TRAK1: variants seen among roughly 807,000 people sequenced by gnomAD.
TRAK1 encodes trafficking kinesin protein 1, also known as trafficking kinesin-binding protein 1.
Under a neutral mutation model 92.1 loss-of-function variants are expected in TRAK1, and 33 were observed. The ratio of observed to expected loss-of-function variants is 0.36; its 90% CI spans 0.27 to 0.48. The LOEUF is 0.48. TRAK1 is among the 20% of genes least tolerant of loss of function. The pLI, the probability that TRAK1 is intolerant of heterozygous loss-of-function variation, is 0.99. For synonymous variants in TRAK1, 521 were observed against 517.3 expected (o/e 1.01, Z -0.10); for missense variants, 1,123 against 1,257.9 (o/e 0.89, Z 1.62).
intron 1 of TRAK1, among the ~76,000 whole-genome samples, chr3:42,119,993 G>C (rs1255126562): frequency 6.6e-6 from 1 of 152,130 alleles, no homozygotes; most frequent in Admixed American, 6.5e-5. Flanking sequence ...TTGAGGTCAG[G>C]AGTTCGAGAC....
chr3:42,063,901 T>C (rs1703561039), intron 1 of TRAK1, among the ~76,000 whole-genome samples: 1 of 152,076 alleles, frequency 6.6e-6, no homozygotes, highest in Admixed American at 6.5e-5. Context: ...GAAGTGACAC[T>C]GTGTAACTTT....
chr3:42,129,431 C>T (rs1281481082), intron 2 of TRAK1, among the ~76,000 whole-genome samples: 3 of 152,048 alleles, frequency 2.0e-5, no homozygotes, highest in Non-Finnish European at 4.4e-5. Flanking sequence ...CACATCCTCC[C>T]CCTGAGTGGA....
chr3:42,175,309 G>A (rs1196027938), intron 2 of TRAK1, among the ~76,000 whole-genome samples: 1 of 152,166 alleles, frequency 6.6e-6, no homozygotes, highest in African/African-American at 2.4e-5. Context: ...GACTAACTCG[G>A]GTTGGTAGCA....
chr3:42,178,385 C>T (rs1703502877), intron 3 of TRAK1, among the ~76,000 whole-genome samples: 1 of 152,114 alleles, frequency 6.6e-6, no homozygotes, highest in African/African-American at 2.4e-5. Context: ...CCTGAACCTT[C>T]ACTGTCACTG....
intron 1 of TRAK1, among the ~76,000 whole-genome samples, chr3:42,070,312 T>C (rs1703881148): frequency 6.7e-6 from 1 of 149,416 alleles, no homozygotes; most frequent in Non-Finnish European, 1.5e-5. Flanking sequence ...ATAATTAATA[T>C]AATTAATTGC....
chr3:42,181,770 T>G (rs1438688397), intron 3 of TRAK1, among the ~76,000 whole-genome samples: 1 of 152,040 alleles, frequency 6.6e-6, no homozygotes, highest in Non-Finnish European at 1.5e-5. Flanking sequence ...AAGTGAACAT[T>G]GGTATTGCAG....
At chr3:42,038,803 G>GTTTTTTTTT (rs35147167) in intron 1 of TRAK1, among the ~76,000 whole-genome samples, 1 of 96,762 alleles carries the variant, frequency 1.0e-5, no homozygotes, top group Non-Finnish European at 2.0e-5. Context: ...AAAAAAAAAA[G>GTTTTTTTTT]TTTTTTTTTT....
intron 1 of TRAK1, among the ~76,000 whole-genome samples, chr3:42,027,367 C>CA (rs887757027): frequency 2.6e-5 from 4 of 151,992 alleles, no homozygotes; most frequent in South Asian, 2.1e-4. Context: ...ACTAAAAATA[C>CA]AAAAAATTAG....
rs560098270 is a variant in TRAK1 at position 42,198,452 on chromosome 3, A to G, written c.1114-725A>G. Among the ~76,000 whole-genome samples the G allele has an allele frequency of 9.8e-5, 15 of 152,322 alleles. No homozygotes were observed. The South Asian group carries it at 3.1e-3, about 32-fold the overall frequency. On this transcript the variant is annotated intron_variant, in intron 10 of 15. Transcript: ENST00000327628. ...TTCCTAGTGGAAACAGGAATCCTAC[A>G]TTTCCTGGGCAGGTTGTTTAAAGGT...
intron 14 of TRAK1, chr3:42,217,495 C>G: frequency 1.0e-6 from 1 of 985,362 alleles, no homozygotes; most frequent in Middle Eastern, 5.2e-4. Flanking sequence ...GCAACTACGT[C>G]TCTAAAATGT....
At chr3:42,177,905 T>C (rs1234326118) in intron 3 of TRAK1, among the ~76,000 whole-genome samples, 1 of 152,188 alleles carries the variant, frequency 6.6e-6, no homozygotes, top group African/African-American at 2.4e-5. Context: ...TCAGGGTTTT[T>C]GGCTATGTGA....
At chr3:42,134,194 C>T (rs1441023399) in intron 2 of TRAK1, among the ~76,000 whole-genome samples, 3 of 97,474 alleles carry the variant, frequency 3.1e-5, no homozygotes, top group Admixed American at 1.1e-4. Flanking sequence ...CCTTCCCCCT[C>T]CCCTTCCCCT....
At chr3:42,174,387 G>A (rs536703570) in intron 2 of TRAK1, among the ~76,000 whole-genome samples, 4 of 152,308 alleles carry the variant, frequency 2.6e-5, no homozygotes, top group African/African-American at 9.6e-5. Context: ...GAACTCTGAG[G>A]AAAAGTTATG....
chr3:42,085,593 G>A (rs1247564783), upstream of TRAK1, among the ~76,000 whole-genome samples: 3 of 152,182 alleles, frequency 2.0e-5, no homozygotes, highest in African/African-American at 7.2e-5. Flanking sequence ...ACAGATTCAG[G>A]GCTGTAGTTT....
intron 3 of TRAK1, among the ~76,000 whole-genome samples, chr3:42,182,927 A>C (rs1463196): frequency 0.59 from 90,295 of 151,982 alleles, 27,424 homozygotes; most frequent in East Asian, 0.95. Context: ...GCTAGCCTGC[A>C]CCTTTACTCT....
chr3:42,128,180 A>AAAAC lies in TRAK1; in HGVS notation c.286+2583_286+2586dup, dbSNP rs556721796. ...GGCAACAAGAGCGAAACTCCATCTC[A>AAAAC]AAACAAACAAACAAACAAACGAAAA... On this transcript the variant is annotated intron_variant, in intron 2 of 15. Transcript: ENST00000327628. Among the ~76,000 whole-genome samples the AAAAC allele has an allele frequency of 9.8e-5, 15 of 152,346 alleles. No homozygotes were observed. The East Asian group carries it at 2.7e-3, about 27-fold the overall frequency.
intron 15 of TRAK1, among the ~76,000 whole-genome samples, chr3:42,221,065 A>G (rs1413746324): frequency 1.4e-5 from 2 of 141,304 alleles, no homozygotes; most frequent in Non-Finnish European, 3.0e-5. Context: ...GTAGCAAGAG[A>G]AGGCTCTTTT....
rs1024434178 is a variant in TRAK1 at position 42,202,999 on chromosome 3, G to A, written c.1744+247G>A. 1.5e-6 allele frequency: 2 copies of A among 1,306,222 alleles called. No individual in the cohort carries two copies. The highest frequency in any genetic ancestry group is 5.2e-5 in the South Asian group (2 of 38,220). 80.9% of individuals were successfully genotyped at this position (1,306,222 alleles called of 1,614,324 possible). A position where few individuals can be genotyped will look rare whatever the true frequency, so the allele number is the denominator to read the frequency against. ...AAACTCGCCGAGGAAAGACAAGCAT[G>A]TGCACTGTGGTCTTCTAGTTCTTTC... On this transcript the variant is annotated intron_variant, in intron 13 of 15. Coordinates refer to ENST00000327628, the MANE Select transcript of TRAK1 (RefSeq NM_001042646.3). The surrounding 1 kb of genome is among the most constrained non-coding windows in gnomAD (Gnocchi z 6.1).
chr3:42,089,339 T>A (rs1372501113), upstream of TRAK1, among the ~76,000 whole-genome samples: 1 of 152,136 alleles, frequency 6.6e-6, no homozygotes, highest in Non-Finnish European at 1.5e-5. Flanking sequence ...CAGTGGGGCC[T>A]CTTACTGCTA....
Sources: allele counts gnomAD v4.1 joint callset (sites outside exome capture counted in the v4.1 genomes callset), GRCh38; gene constraint gnomAD v4.1.1; non-coding constraint Gnocchi (gnomAD v3.1); transcripts MANE v1.5; gene names NCBI Gene and HGNC (gene_info 2026-07-23, HGNC 2026-07-21).